STK32B: variants seen among roughly 807,000 people sequenced by gnomAD.
STK32B encodes the protein serine/threonine kinase 32B, also known as serine/threonine-protein kinase 32B.
In STK32B, 43 loss-of-function variants were observed where a neutral mutation model predicts 52.6. That is an observed-to-expected ratio of 0.82 (90% CI 0.64 to 1.05). The LOEUF (loss-of-function observed/expected upper bound fraction) is 1.05. STK32B is among the 50% of genes least tolerant of loss of function. The pLI, the probability that STK32B is intolerant of heterozygous loss-of-function variation, is 0.00. For synonymous variants in STK32B, 238 were observed against 204.3 expected (o/e 1.17, Z -1.41); for missense variants, 621 against 534.6 (o/e 1.16, Z -1.59).
intron 3 of STK32B, among the ~76,000 whole-genome samples, chr4:5,247,539 G>A (rs1453728793): frequency 3.3e-5 from 5 of 152,150 alleles, no homozygotes; most frequent in African/African-American, 7.2e-5. Context: ...GCGATGCCTC[G>A]CCCTGCTTTG....
chr4:5,045,257 C>T, the STK32B span, among the ~76,000 whole-genome samples: 1 of 152,252 alleles, frequency 6.6e-6, no homozygotes, highest in African/African-American at 2.4e-5. Flanking sequence ...CTGCTTCACA[C>T]ATTCTAGCCT....
chr4:5,106,760 T>A (rs1423819161), intron 1 of STK32B, among the ~76,000 whole-genome samples: 1 of 152,212 alleles, frequency 6.6e-6, no homozygotes, highest in Non-Finnish European at 1.5e-5. Context: ...TCCATGCTAT[T>A]TACTTGTGTA....
chr4:5,161,164 C>G (rs1718412852), intron 2 of STK32B, among the ~76,000 whole-genome samples: 1 of 152,180 alleles, frequency 6.6e-6, no homozygotes, highest in Non-Finnish European at 1.5e-5. Flanking sequence ...GCACCTAATA[C>G]ATGTTTATTG....
chr4:5,145,015 T>C (rs183225698), intron 2 of STK32B, among the ~76,000 whole-genome samples: 7 of 152,294 alleles, frequency 4.6e-5, no homozygotes, highest in Non-Finnish European at 8.8e-5. Context: ...AGTTTATGGG[T>C]GTACAGGGAT....
intron 3 of STK32B, among the ~76,000 whole-genome samples, chr4:5,196,729 A>AAAAT (rs1362648012): frequency 1.5e-5 from 1 of 68,664 alleles, no homozygotes; most frequent in East Asian, 6.7e-4. Context: ...TCAAAAAAAT[A>AAAAT]AAATAAAATA....
At chr4:5,305,933 T>C (rs1246473323) in intron 3 of STK32B, among the ~76,000 whole-genome samples, 2 of 152,162 alleles carry the variant, frequency 1.3e-5, no homozygotes, top group Non-Finnish European at 2.9e-5. Context: ...AATAATTTTT[T>C]AAATTCCCAT....
intron 4 of STK32B, among the ~76,000 whole-genome samples, chr4:5,353,127 G>T (rs1733943676): frequency 6.6e-6 from 1 of 152,034 alleles, no homozygotes; most frequent in Non-Finnish European, 1.5e-5. Context: ...ACTGATTTTT[G>T]ACCAAGATGC....
chr4:5,276,570 G>T (rs190432216), intron 3 of STK32B, among the ~76,000 whole-genome samples: 49 of 152,048 alleles, frequency 3.2e-4, no homozygotes, highest in African/African-American at 1.1e-3. Context: ...TCTTTGCTGA[G>T]AAGAAAACCA....
chr4:5,118,912 C>T (rs558196107), intron 1 of STK32B, among the ~76,000 whole-genome samples: 1 of 152,306 alleles, frequency 6.6e-6, no homozygotes, highest in Non-Finnish European at 1.5e-5. Flanking sequence ...CCATGGCAGC[C>T]TCAGCACCAT....
chr4:5,424,497 A>T (rs2654506), intron 6 of STK32B, among the ~76,000 whole-genome samples: 1 of 152,102 alleles, frequency 6.6e-6, no homozygotes, highest in East Asian at 2.0e-4. Context: ...TAAAAACCCC[A>T]AACTGAGCCA....
intron 5 of STK32B, among the ~76,000 whole-genome samples, chr4:5,405,887 C>A (rs1737626601): frequency 6.6e-6 from 1 of 152,114 alleles, no homozygotes; most frequent in Non-Finnish European, 1.5e-5. Context: ...CTGCCCTTCC[C>A]AGATATCATG....
At chr4:5,109,365 G>A (rs1453230593) in intron 1 of STK32B, among the ~76,000 whole-genome samples, 1 of 152,170 alleles carries the variant, frequency 6.6e-6, no homozygotes, top group African/African-American at 2.4e-5. Context: ...ACACATGGAC[G>A]AATGCTCTTG....
the STK32B span, among the ~76,000 whole-genome samples, chr4:5,044,882 G>A: frequency 3.9e-5 from 6 of 152,160 alleles, no homozygotes; most frequent in Admixed American, 2.0e-4. Flanking sequence ...CTGCACTCCA[G>A]CCTCAGTGAC....
chr4:5,263,021 A>G (rs28625894), intron 3 of STK32B, among the ~76,000 whole-genome samples: 28,415 of 150,154 alleles, frequency 0.19, 5,398 homozygotes, highest in African/African-American at 0.49. Context: ...CCAAAAACTT[A>G]AGCATCTCTT....
chr4:5,438,181 TTC>T, intron 6 of STK32B: 1 of 960,688 alleles, frequency 1.0e-6, no homozygotes, highest in African/African-American at 1.8e-5. Context: ...GGGACTCCTT[TTC>T]TCTCAAGCCC....
At chr4:5,131,384 C>T (rs895948263) in intron 1 of STK32B, among the ~76,000 whole-genome samples, 4 of 152,234 alleles carry the variant, frequency 2.6e-5, no homozygotes, top group African/African-American at 9.6e-5. Context: ...CTGATTACAT[C>T]TAAGATGCTT....
In STK32B at chr4:5,351,767, A is replaced by G. The variant is rs193289204; in HGVS notation, c.434+20374A>G. On this transcript the variant is annotated intron_variant, in intron 4 of 11. Transcript: ENST00000282908. ...CCAAATAAAATCAGAAATGACAAAGAAGACATTACAACTGATAACACAGAA... is the reference window on the plus strand; with the variant it reads ...CCAAATAAAATCAGAAATGACAAAGGAGACATTACAACTGATAACACAGAA... Among the ~76,000 whole-genome samples, 155 of 152,114 alleles carry G rather than the reference A, an allele frequency of 1.0e-3. 1 individual carries two copies. Among genetic ancestry groups the G allele is most frequent in the African/African-American group, 3.3e-3 (139 of 41,562 alleles).
intron 3 of STK32B, among the ~76,000 whole-genome samples, chr4:5,174,358 T>G (rs528243378): frequency 6.6e-6 from 1 of 152,300 alleles, no homozygotes; most frequent in South Asian, 2.1e-4. Flanking sequence ...TGTTAGCTGG[T>G]TATTTTGCTC....
chr4:5,049,054 C>A (rs968821101), upstream of STK32B, among the ~76,000 whole-genome samples: 1 of 152,254 alleles, frequency 6.6e-6, no homozygotes, highest in Non-Finnish European at 1.5e-5. Flanking sequence ...CCGTGTGGAA[C>A]ATCTCCCAGC....
Sources: allele counts gnomAD v4.1 joint callset (sites outside exome capture counted in the v4.1 genomes callset), GRCh38; gene constraint gnomAD v4.1.1; transcripts MANE v1.5; gene names NCBI Gene and HGNC (gene_info 2026-07-23, HGNC 2026-07-21).